Variants in CEP85L observed in about 807,000 individuals in gnomAD.
CEP85L encodes centrosomal protein of 85 kDa-like.
In CEP85L, 60 loss-of-function variants were observed where a neutral mutation model predicts 100.3. That is an observed-to-expected ratio of 0.60 (90% CI 0.49 to 0.74). The LOEUF (loss-of-function observed/expected upper bound fraction) is 0.74, where lower values mean the gene tolerates loss of function less well. CEP85L is among the 30% of genes least tolerant of loss of function. CEP85L has a pLI of 0.00. For synonymous variants in CEP85L, 319 were observed against 322.7 expected (o/e 0.99, Z 0.12); for missense variants, 973 against 936.2 (o/e 1.04, Z -0.51).
intron 3 of CEP85L, among the ~76,000 whole-genome samples, chr6:118,535,665 T>C (rs916566653): frequency 9.2e-5 from 14 of 152,210 alleles, no homozygotes; most frequent in Non-Finnish European, 1.8e-4. Context: ...CCACACTGTA[T>C]ATGCTATCCA....
At chr6:118,470,332 C>T (rs1443036045) in intron 11 of CEP85L, among the ~76,000 whole-genome samples, 1 of 151,746 alleles carries the variant, frequency 6.6e-6, no homozygotes. Flanking sequence ...ATATACTGTA[C>T]TATAATTATG....
At chr6:118,591,360 G>A (rs1046017966) in intron 2 of CEP85L, among the ~76,000 whole-genome samples, 15 of 151,280 alleles carry the variant, frequency 9.9e-5, no homozygotes, top group African/African-American at 3.4e-4. Flanking sequence ...CCTTTTCTGT[G>A]TGGCAGATGA....
intron 1 of CEP85L, among the ~76,000 whole-genome samples, chr6:118,680,214 G>C (rs908296292): frequency 2.0e-5 from 3 of 149,242 alleles, no homozygotes; most frequent in Non-Finnish European, 4.4e-5. Flanking sequence ...GATCACTTGA[G>C]CCCAGGAGGA....
At chr6:118,493,006 G>A (rs1168922665) in intron 5 of CEP85L, among the ~76,000 whole-genome samples, 3 of 152,112 alleles carry the variant, frequency 2.0e-5, no homozygotes, top group African/African-American at 4.8e-5. Flanking sequence ...TCAGAGACAT[G>A]AGAAGCCTTT....
At chr6:118,557,147 T>C (rs1034211427) in intron 3 of CEP85L, among the ~76,000 whole-genome samples, 1 of 152,162 alleles carries the variant, frequency 6.6e-6, no homozygotes, top group African/African-American at 2.4e-5. Flanking sequence ...TATAAAACTA[T>C]AAAATCATAA....
At chr6:118,574,782 G>GA (rs1315829499) in intron 2 of CEP85L, among the ~76,000 whole-genome samples, 2 of 152,228 alleles carry the variant, frequency 1.3e-5, no homozygotes, top group Admixed American at 6.5e-5. Flanking sequence ...CCTGGAGGTT[G>GA]AAAGTGTGTG....
chr6:118,480,579 C>A, intron 8 of CEP85L, 66 bp from the exon 9 acceptor site: 1 of 981,548 alleles, frequency 1.0e-6, no homozygotes, highest in South Asian at 1.5e-5. Context: ...ATGATTTCAA[C>A]ATAAATGATT....
upstream of CEP85L, among the ~76,000 whole-genome samples, chr6:118,653,465 C>T (rs998701882): frequency 7.2e-5 from 11 of 152,122 alleles, no homozygotes; most frequent in Non-Finnish European, 1.5e-4. Context: ...ACTAATGCTT[C>T]CCCCCAAATC....
chr6:118,494,109 C>G (rs1349155755), intron 5 of CEP85L, among the ~76,000 whole-genome samples: 2 of 152,146 alleles, frequency 1.3e-5, no homozygotes, highest in East Asian at 1.9e-4. Flanking sequence ...AGGTTCATAA[C>G]CTAATAAAGC....
chr6:118,677,050 A>G (rs951695709), intron 1 of CEP85L, among the ~76,000 whole-genome samples: 1 of 152,152 alleles, frequency 6.6e-6, no homozygotes, highest in Non-Finnish European at 1.5e-5. Flanking sequence ...AGTCTACTTC[A>G]TGTTGTATTA....
chr6:118,540,122 G>C (rs1054439742), intron 3 of CEP85L, among the ~76,000 whole-genome samples: 6 of 151,182 alleles, frequency 4.0e-5, no homozygotes, highest in Admixed American at 3.3e-4. Context: ...AACAAAAAGA[G>C]GATGAGTAGC....
rs192389087 is a variant in CEP85L at position 118,625,486 on chromosome 6, G to A, written c.232+6967C>T. Among the ~76,000 whole-genome samples the A allele has an allele frequency of 3.8e-3, 573 of 152,268 alleles. 6 individuals carry two copies. Among genetic ancestry groups the A allele is most frequent in the South Asian group, 0.027 (132 of 4,822 alleles). On this transcript the variant is annotated intron_variant, in intron 2 of 12. Transcript: ENST00000368491. ...CCAATTCTATTATAAAATATCACAA[G>A]AATTAAATGATGATATGGAATGGGT...
At chr6:118,560,023 C>T (rs1181394513) in intron 3 of CEP85L, 1 of 166,972 alleles carries the variant, frequency 6.0e-6, no homozygotes, top group Non-Finnish European at 1.5e-5. Flanking sequence ...GCCTAACATC[C>T]AATGCAGGCA....
chr6:118,565,798 G>T lies in CEP85L; in HGVS notation c.751C>A (p.Pro251Thr), dbSNP rs3734382. 0.72 allele frequency: 1,154,670 copies of T among 1,613,586 alleles called. 420,439 individuals carry two copies. Among genetic ancestry groups the T allele is most frequent in the African/African-American group, 0.75 (56,068 of 74,972 alleles). Residue 251 changes from proline (P) to threonine (T), a missense_variant, in exon 3 of 13, where the codon CCT becomes ACT. Pro to Thr is a conservative substitution (Grantham distance 38). Transcript: ENST00000368491. ...AAGGCACTATATGTCATGTCTACAG[G>T]CTGTCTCCTAAGAGTAGAGGAAGAG... is the stretch of plus-strand genomic sequence containing the variant. ...RASSSTLRRQPVDMTYSALPE... is the reference protein window; with the variant it reads ...RASSSTLRRQTVDMTYSALPE...
chr6:118,680,078 G>C (rs1347716368), intron 1 of CEP85L, among the ~76,000 whole-genome samples: 1 of 151,456 alleles, frequency 6.6e-6, no homozygotes, highest in Non-Finnish European at 1.5e-5. Context: ...TTGAGGCCAG[G>C]AATTTGAGAC....
intron 5 of CEP85L, among the ~76,000 whole-genome samples, chr6:118,497,295 A>G (rs1019783251): frequency 2.0e-5 from 3 of 152,134 alleles, no homozygotes; most frequent in Non-Finnish European, 4.4e-5. Context: ...TTCCAACATC[A>G]TATCTTTGTG....
At chr6:118,562,306 A>G (rs1485743343) in intron 3 of CEP85L, among the ~76,000 whole-genome samples, 2 of 152,178 alleles carry the variant, frequency 1.3e-5, no homozygotes, top group African/African-American at 4.8e-5. Context: ...AAACTTTTTC[A>G]TTATTATTTC....
chr6:118,549,568 C>T (rs1262600883), intron 3 of CEP85L, among the ~76,000 whole-genome samples: 1 of 151,670 alleles, frequency 6.6e-6, no homozygotes, highest in African/African-American at 2.4e-5. Flanking sequence ...AACTTTGTAA[C>T]TCTGTAAGCA....
intron 5 of CEP85L, among the ~76,000 whole-genome samples, chr6:118,508,996 C>T (rs1337356554): frequency 6.6e-6 from 1 of 152,050 alleles, no homozygotes; most frequent in African/African-American, 2.4e-5. Flanking sequence ...ATATATTTAT[C>T]ATACCCATTT....
Sources: gnomAD v4.1 joint callset for allele counts (sites outside exome capture counted in the v4.1 genomes callset) on GRCh38, gnomAD v4.1.1 for gene constraint, MANE v1.5 for transcripts, NCBI Gene and HGNC (gene_info 2026-07-23, HGNC 2026-07-21) for gene names.